The following EIF2AK4 variants were observed in gnomAD, a reference collection of about 807,000 sequenced individuals.
EIF2AK4 encodes the protein eIF-2-alpha kinase GCN2.
A neutral mutation model predicts 211.1 loss-of-function variants in EIF2AK4; 139 were observed. That is an observed-to-expected ratio of 0.66 (90% CI 0.57 to 0.76). EIF2AK4 has a LOEUF of 0.76. Ranked by LOEUF, EIF2AK4 falls within the 30% of genes least tolerant of loss-of-function variation. EIF2AK4 has a pLI of 0.00. For missense variants in EIF2AK4, 1,664 were observed against 2,043.8 expected, an observed-to-expected ratio of 0.81 and a Z score of 3.58; for synonymous variants, 710 against 751.3, an observed-to-expected ratio of 0.94 and a Z score of 0.90.
At chr15:39,976,880 G>C in intron 12 of EIF2AK4, 36 bp downstream of exon 12, 1 of 1,430,126 alleles carries the variant, frequency 7.0e-7, no homozygotes, top group Non-Finnish European at 9.1e-7. Context: ...CCTCTGATGC[G>C]CCCCCTAGTT....
intron 9 of EIF2AK4, among the ~76,000 whole-genome samples, chr15:39,971,588 A>G (rs575410373): frequency 2.0e-5 from 3 of 152,244 alleles, no homozygotes; most frequent in Admixed American, 2.0e-4. Context: ...ATGGTGGTAC[A>G]CGCCTGTAGT....
intron 24 of EIF2AK4, among the ~76,000 whole-genome samples, chr15:40,007,553 G>A (rs1010927969): frequency 6.6e-6 from 1 of 152,116 alleles, no homozygotes; most frequent in African/African-American, 2.4e-5. Flanking sequence ...CCTGGAAAAA[G>A]GCTTTCTGTA....
At chr15:39,955,599 G>A (rs1179421823) in intron 5 of EIF2AK4, 21 bp from the exon 6 acceptor site, 2 of 1,591,966 alleles carry the variant, frequency 1.3e-6, no homozygotes, top group Non-Finnish European at 8.5e-7. Context: ...TCTAAAGTAA[G>A]TTTTACTTTT....
intron 35 of EIF2AK4, among the ~76,000 whole-genome samples, chr15:40,031,535 C>T (rs2035542890): frequency 6.6e-6 from 1 of 152,164 alleles, no homozygotes; most frequent in Non-Finnish European, 1.5e-5. Context: ...CCCAATTTAG[C>T]TTCATACTAT....
intron 17 of EIF2AK4, chr15:39,992,451 G>A (rs2034956598): frequency 1.9e-6 from 1 of 525,960 alleles, no homozygotes; most frequent in Non-Finnish European, 3.3e-6. Context: ...AGAATAATTG[G>A]CTCCCAGGGG....
chr15:39,966,662 G>T (rs1482910663), intron 8 of EIF2AK4, among the ~76,000 whole-genome samples: 1 of 152,118 alleles, frequency 6.6e-6, no homozygotes, highest in African/African-American at 2.4e-5. Context: ...TTACAAAAAC[G>T]TAGATAAAGC....
At chr15:40,007,981 C>T in intron 24 of EIF2AK4, 46 bp from the exon 25 acceptor site, 1 of 1,363,270 alleles carries the variant, frequency 7.3e-7, no homozygotes, top group Non-Finnish European at 9.7e-7. Flanking sequence ...ATACATATTT[C>T]TTTCTAGTAA....
At chr15:40,004,260 G>A (rs1204637590) in intron 23 of EIF2AK4, among the ~76,000 whole-genome samples, 1 of 152,100 alleles carries the variant, frequency 6.6e-6, no homozygotes, top group Non-Finnish European at 1.5e-5. Flanking sequence ...ATCCCACTTT[G>A]AGCAATTTAC....
At chr15:39,949,756 AC>A (rs1172791701) in intron 4 of EIF2AK4, among the ~76,000 whole-genome samples, 6 of 152,180 alleles carry the variant, frequency 3.9e-5, no homozygotes, top group Non-Finnish European at 8.8e-5. Context: ...AAGATTAAAT[AC>A]CATTTGTATT....
intron 32 of EIF2AK4, among the ~76,000 whole-genome samples, chr15:40,023,719 C>G (rs982201840): frequency 1.3e-5 from 2 of 152,210 alleles, no homozygotes; most frequent in Non-Finnish European, 1.5e-5. Context: ...CAAGGACCAG[C>G]TTTTGGTGTC....
At chr15:40,033,136 AC>A (rs2035566128) in intron 37 of EIF2AK4, among the ~76,000 whole-genome samples, 1 of 152,136 alleles carries the variant, frequency 6.6e-6, no homozygotes, top group African/African-American at 2.4e-5. Context: ...AATCATTACC[AC>A]CCCAAAATGT....
rs1160668340 is a variant in EIF2AK4 at position 39,939,546 on chromosome 15, A to G, written c.186A>G (p.Gln62=). ...PPEINLVLYP[Q]GLTGEEVYVK... ...AAATCAATTTAGTTTTGTACCCTCAAGGCCTAACTGGTGAAGAAGTATATG... is the reference window on the plus strand; with the variant it reads ...AAATCAATTTAGTTTTGTACCCTCAGGGCCTAACTGGTGAAGAAGTATATG... The change falls in exon 2 of 39, where the codon CAA becomes CAG. Residue 62 remains glutamine (Q), a synonymous_variant. Coordinates refer to ENST00000263791, the MANE Select transcript of EIF2AK4 (RefSeq NM_001013703.4). The G allele has an allele frequency of 1.2e-6, 2 of 1,612,658 alleles. No homozygotes were observed. The highest frequency in any genetic ancestry group is 2.2e-5 in the East Asian group (1 of 44,794).
intron 15 of EIF2AK4, among the ~76,000 whole-genome samples, chr15:39,989,035 A>G (rs948463680): frequency 6.6e-6 from 1 of 152,198 alleles, no homozygotes; most frequent in Admixed American, 6.5e-5. Flanking sequence ...CAAGGATGTG[A>G]TTAATACCTG....
chr15:39,998,091 G>A (rs576826602), intron 19 of EIF2AK4, among the ~76,000 whole-genome samples: 10 of 152,244 alleles, frequency 6.6e-5, no homozygotes, highest in African/African-American at 2.2e-4. Context: ...TAAGTGAAGT[G>A]ATTTCTATTG....
chr15:39,994,335 T>C (rs75931581), intron 18 of EIF2AK4, among the ~76,000 whole-genome samples: 8,741 of 152,202 alleles, frequency 0.057, 394 homozygotes, highest in East Asian at 0.24. Flanking sequence ...GTGCCAGGCA[T>C]GGTGGTTCAT....
intron 22 of EIF2AK4, 28 bp from the exon 23 acceptor site, chr15:40,003,165 A>T (rs749755108): frequency 6.2e-6 from 10 of 1,611,698 alleles, no homozygotes; most frequent in South Asian, 1.1e-5. Context: ...GAACCTGATG[A>T]TGAGCTATTT....
At chr15:40,004,189 T>G (rs1182349703) in intron 23 of EIF2AK4, among the ~76,000 whole-genome samples, 3 of 152,220 alleles carry the variant, frequency 2.0e-5, no homozygotes, top group Non-Finnish European at 4.4e-5. Context: ...AAAAGTAATC[T>G]AAAAGTTTAT....
chr15:40,027,267 G>A (rs2035477195), intron 33 of EIF2AK4, among the ~76,000 whole-genome samples: 1 of 152,136 alleles, frequency 6.6e-6, no homozygotes, highest in South Asian at 2.1e-4. Flanking sequence ...GTCTGTTTAT[G>A]TATTCAATCT....
chr15:39,966,178 A>G (rs1289053051), intron 8 of EIF2AK4, among the ~76,000 whole-genome samples: 1 of 152,096 alleles, frequency 6.6e-6, no homozygotes, highest in Non-Finnish European at 1.5e-5. Flanking sequence ...CTCTTGAAAT[A>G]TTGCTTCAGG....
Sources: gnomAD v4.1 joint callset for allele counts (sites outside exome capture counted in the v4.1 genomes callset) on GRCh38, gnomAD v4.1.1 for gene constraint, MANE v1.5 for transcripts, NCBI Gene and HGNC (gene_info 2026-07-23, HGNC 2026-07-21) for gene names.